ASTN2: variants seen among roughly 807,000 people sequenced by gnomAD.
The protein encoded by ASTN2 is astrotactin-2.
ASTN2 carries 54 observed loss-of-function variants against 139.8 expected under a neutral mutation model. The ratio of observed to expected loss-of-function variants is 0.39; its 90% CI spans 0.31 to 0.48. The LOEUF (loss-of-function observed/expected upper bound fraction) is 0.48. ASTN2 is among the 20% of genes least tolerant of loss of function. The probability of loss-of-function intolerance (pLI) is 0.95; values close to 1 mark genes in which losing one functional copy is unlikely to be tolerated. For synonymous variants in ASTN2, 756 were observed against 719.5 expected (o/e 1.05, Z -0.81); for missense variants, 1,565 against 1,725.1 (o/e 0.91, Z 1.64).
At chr9:116,801,254 CT>C (rs1030831721) in intron 13 of ASTN2, among the ~76,000 whole-genome samples, 66 of 152,166 alleles carry the variant, frequency 4.3e-4, no homozygotes, top group South Asian at 3.7e-3. Flanking sequence ...TCCATCCTCC[CT>C]GCTGTCTGGA....
chr9:117,003,953 C>CGCGCGCGCGCGTGTGTGTGT (rs1218309835), intron 7 of ASTN2, among the ~76,000 whole-genome samples: 68 of 146,276 alleles, frequency 4.6e-4, no homozygotes, highest in African/African-American at 1.7e-3. Context: ...CGCGCGCGCG[C>CGCGCGCGCGCGTGTGTGTGT]GTGTGTGTGT....
chr9:116,803,481 AATATATATATAT>A (rs1168011369), intron 13 of ASTN2, among the ~76,000 whole-genome samples: 39 of 80,106 alleles, frequency 4.9e-4, no homozygotes, highest in South Asian at 1.0e-3. Context: ...AAGTTCGAAT[AATATATATATAT>A]ATATATATAT....
At chr9:116,463,052 C>CCA (rs1848541063) in intron 20 of ASTN2, among the ~76,000 whole-genome samples, 1 of 152,032 alleles carries the variant, frequency 6.6e-6, no homozygotes, top group Non-Finnish European at 1.5e-5. Context: ...GGTATCATCC[C>CCA]CAACCCTTCC....
chr9:117,384,262 T>C (rs1830342030), intron 1 of ASTN2, among the ~76,000 whole-genome samples: 2 of 152,318 alleles, frequency 1.3e-5, no homozygotes, highest in Non-Finnish European at 2.9e-5. Context: ...CAAGGTATCT[T>C]GGGAAGTTTT....
At chr9:117,071,659 C>T (rs1360083547) in intron 5 of ASTN2, among the ~76,000 whole-genome samples, 7 of 149,290 alleles carry the variant, frequency 4.7e-5, no homozygotes, top group South Asian at 2.2e-4. Flanking sequence ...TAGCAATCAG[C>T]GAGATTCCGT....
intron 6 of ASTN2, among the ~76,000 whole-genome samples, chr9:117,016,852 A>G (rs916196220): frequency 5.4e-5 from 8 of 148,586 alleles, no homozygotes; most frequent in African/African-American, 2.0e-4. Context: ...AAGCTGTATC[A>G]AAATACACCT....
At chr9:116,619,704 T>TTTC (rs1856032586) in intron 18 of ASTN2, among the ~76,000 whole-genome samples, 1 of 146,456 alleles carries the variant, frequency 6.8e-6, no homozygotes, top group Non-Finnish European at 1.5e-5. Context: ...TTTTTTTTTT[T>TTTC]TTTTTTTTGG....
intron 19 of ASTN2, among the ~76,000 whole-genome samples, chr9:116,578,251 T>C (rs1031379722): frequency 1.3e-5 from 2 of 152,108 alleles, no homozygotes; most frequent in African/African-American, 4.8e-5. Flanking sequence ...TGTGTTGAAT[T>C]CCATTTGATT....
chr9:117,286,775 A>G (rs1834461291), intron 2 of ASTN2, among the ~76,000 whole-genome samples: 1 of 152,182 alleles, frequency 6.6e-6, no homozygotes, highest in Non-Finnish European at 1.5e-5. Flanking sequence ...TCCAATTTCT[A>G]TCAAATGTTT....
chr9:116,467,442 T>C (rs987887942), intron 20 of ASTN2, among the ~76,000 whole-genome samples: 1 of 152,158 alleles, frequency 6.6e-6, no homozygotes, highest in African/African-American at 2.4e-5. Flanking sequence ...AATTTTTGTA[T>C]TTTTAATAGA....
At chr9:116,858,622 T>C (rs1023570660) in intron 11 of ASTN2, among the ~76,000 whole-genome samples, 31 of 152,204 alleles carry the variant, frequency 2.0e-4, no homozygotes, top group African/African-American at 6.5e-4. Flanking sequence ...GCTGACATCA[T>C]TATGTTTGTC....
At chr9:116,785,575 C>T (rs1830349486) in intron 13 of ASTN2, among the ~76,000 whole-genome samples, 1 of 152,266 alleles carries the variant, frequency 6.6e-6, no homozygotes, top group East Asian at 1.9e-4. Flanking sequence ...TCTTTCTATT[C>T]CCCTCCCTTG....
At chr9:116,597,371 G>A (rs1473824155) in intron 19 of ASTN2, among the ~76,000 whole-genome samples, 24 of 140,956 alleles carry the variant, frequency 1.7e-4, no homozygotes, top group East Asian at 1.1e-3. Context: ...GCAGTGGTGC[G>A]ATCTTGGCTC....
chr9:116,467,325 G>A (rs1484134909), intron 20 of ASTN2, among the ~76,000 whole-genome samples: 1 of 152,104 alleles, frequency 6.6e-6, no homozygotes, highest in Non-Finnish European at 1.5e-5. Context: ...GGAGTGCAGT[G>A]GTGCGATCTT....
intron 19 of ASTN2, among the ~76,000 whole-genome samples, chr9:116,497,821 T>C (rs1849716954): frequency 6.6e-6 from 1 of 152,166 alleles, no homozygotes; most frequent in East Asian, 1.9e-4. Flanking sequence ...CACTCATCCA[T>C]GGAGGGTTTT....
chr9:117,331,507 C>T (rs1434553672), intron 1 of ASTN2, among the ~76,000 whole-genome samples: 4 of 152,170 alleles, frequency 2.6e-5, no homozygotes, highest in Admixed American at 6.5e-5. Flanking sequence ...AAGCCATACC[C>T]TCCTGAAGGA....
At chr9:117,398,481 C>T (rs1358729824) in intron 1 of ASTN2, among the ~76,000 whole-genome samples, 1 of 152,218 alleles carries the variant, frequency 6.6e-6, no homozygotes, top group East Asian at 1.9e-4. Flanking sequence ...GCAACTCATA[C>T]TCCCCTGATC....
chr9:116,617,049 T>G (rs1017492077), intron 19 of ASTN2, among the ~76,000 whole-genome samples: 1 of 152,196 alleles, frequency 6.6e-6, no homozygotes, highest in Non-Finnish European at 1.5e-5. Flanking sequence ...GAAAGTGATG[T>G]CCACTCCAGT....
At chr9:117,191,394 C>A (rs536491500) in intron 3 of ASTN2, among the ~76,000 whole-genome samples, 1 of 151,844 alleles carries the variant, frequency 6.6e-6, no homozygotes, top group Non-Finnish European at 1.5e-5. Context: ...AGGGAAAAGA[C>A]AGAAAAAATT....
Sources: gnomAD v4.1 joint callset for allele counts (sites outside exome capture counted in the v4.1 genomes callset) on GRCh38, gnomAD v4.1.1 for gene constraint, MANE v1.5 for transcripts, NCBI Gene and HGNC (gene_info 2026-07-23, HGNC 2026-07-21) for gene names.